Variants in DTWD2 observed in about 807,000 individuals in gnomAD.
DTWD2 encodes the protein DTW motif tRNA-uridine aminocarboxypropyltransferase 2.
A neutral mutation model predicts 31.8 loss-of-function variants in DTWD2; 39 were observed. The observed-to-expected ratio is 1.22, with a 90% CI of 0.95 to 1.60. The LOEUF (loss-of-function observed/expected upper bound fraction) is 1.60. Ranked by LOEUF, DTWD2 falls within the 40% of genes most tolerant of loss-of-function variation. The pLI, the probability that DTWD2 is intolerant of heterozygous loss-of-function variation, is 0.00. For missense variants in DTWD2, 515 were observed against 381.5 expected (o/e 1.35, Z -2.92); for synonymous variants, 180 against 142.8 (o/e 1.26, Z -1.86).
At chr5:118,915,471 T>C (rs1369669989) in intron 4 of DTWD2, among the ~76,000 whole-genome samples, 1 of 151,512 alleles carries the variant, frequency 6.6e-6, no homozygotes, top group Non-Finnish European at 1.5e-5. Context: ...ACCTCCCAGG[T>C]TCACGCCATT....
At chr5:118,886,680 G>C (rs762017482) in intron 4 of DTWD2, among the ~76,000 whole-genome samples, 1 of 152,098 alleles carries the variant, frequency 6.6e-6, no homozygotes, top group Non-Finnish European at 1.5e-5. Context: ...TGTAATACAA[G>C]TTCTATTATT....
chr5:118,911,274 T>C (rs545192390), intron 4 of DTWD2, among the ~76,000 whole-genome samples: 1 of 152,128 alleles, frequency 6.6e-6, no homozygotes, highest in African/African-American at 2.4e-5. Context: ...TAATCTCTAA[T>C]CAACAAGAAA....
At chr5:118,949,357 G>A (rs866624857) in intron 1 of DTWD2, among the ~76,000 whole-genome samples, 15 of 152,272 alleles carry the variant, frequency 9.9e-5, no homozygotes, top group African/African-American at 3.6e-4. Context: ...GGGTGCAAAG[G>A]AATAGTAAAG....
At chr5:118,937,537 T>C (rs980592715) in intron 3 of DTWD2, among the ~76,000 whole-genome samples, 3 of 152,224 alleles carry the variant, frequency 2.0e-5, no homozygotes, top group Admixed American at 6.5e-5. Flanking sequence ...TGTGTGGTGT[T>C]TGCCATATAG....
Position 118,979,523 on chromosome 5 carries a change from T to C in DTWD2, c.218+8771A>G, listed in dbSNP as rs113241570. 4.9e-3 allele frequency among the ~76,000 whole-genome samples: 747 copies of C among 152,264 alleles called. 7 individuals carry two copies. Among genetic ancestry groups the C allele is most frequent in the African/African-American group, 0.017 (706 of 41,544 alleles). On this transcript the variant is annotated intron_variant, in intron 1 of 5. Transcript: ENST00000510708. ...ATTACTGGGTATATTACCAAAGGAA[T>C]ATAAATCATTCTATTATAAAGATAT...
At chr5:118,986,580 T>A (rs1755432669) in intron 1 of DTWD2, among the ~76,000 whole-genome samples, 1 of 152,180 alleles carries the variant, frequency 6.6e-6, no homozygotes, top group Admixed American at 6.5e-5. Context: ...TTTTTAAAAC[T>A]ATTTTAACCA....
In DTWD2 at chr5:118,914,253, T is replaced by C. The variant is rs533845028; in HGVS notation, c.597+14284A>G. Among the ~76,000 whole-genome samples the C allele has an allele frequency of 2.0e-5, 3 of 152,268 alleles. No homozygotes were observed. In the South Asian group the frequency reaches 6.2e-4, roughly 32 times the overall value. On this transcript the variant is annotated intron_variant, in intron 4 of 5. Coordinates refer to ENST00000510708, the MANE Select transcript of DTWD2 (RefSeq NM_173666.4). ...CCACCTCATGAATAGATTAATACCA[T>C]CATTATTAAAAAGGCTCTAGGAGTG...
chr5:118,941,308 T>C (rs956623943), intron 2 of DTWD2, among the ~76,000 whole-genome samples: 2 of 152,198 alleles, frequency 1.3e-5, no homozygotes, highest in African/African-American at 4.8e-5. Context: ...GTCTATCTCC[T>C]AATGCTATCC....
intron 1 of DTWD2, chr5:118,974,049 C>A (rs764027498): frequency 2.0e-5 from 32 of 1,605,550 alleles, no homozygotes; most frequent in Admixed American, 1.5e-4. Context: ...GAGACAGCTA[C>A]GGGCAAGCGG....
intron 4 of DTWD2, among the ~76,000 whole-genome samples, chr5:118,916,388 G>A (rs111886986): frequency 2.0e-5 from 3 of 152,080 alleles, no homozygotes; most frequent in Admixed American, 6.5e-5. Flanking sequence ...CATTAAGGCC[G>A]GGTGCAGTGG....
chr5:118,864,214 G>C (rs1752331057), intron 4 of DTWD2, among the ~76,000 whole-genome samples: 1 of 148,980 alleles, frequency 6.7e-6, no homozygotes, highest in Middle Eastern at 3.4e-3. Context: ...AAAATGATGA[G>C]TTCATGTCCT....
At chr5:118,874,476 G>A (rs1302856730) in intron 4 of DTWD2, among the ~76,000 whole-genome samples, 2 of 152,158 alleles carry the variant, frequency 1.3e-5, no homozygotes, top group Non-Finnish European at 2.9e-5. Context: ...ACACAATGCA[G>A]GTGCTGATAG....
At chr5:118,955,503 T>C (rs1330125188) in intron 1 of DTWD2, among the ~76,000 whole-genome samples, 2 of 152,202 alleles carry the variant, frequency 1.3e-5, no homozygotes, top group Non-Finnish European at 2.9e-5. Context: ...ATTGAATAAT[T>C]TATAAATTCA....
In DTWD2 at chr5:118,939,275, G is replaced by T. The variant is rs900940016; in HGVS notation, c.325C>A (p.Arg109Ser). 6.3e-7 allele frequency: 1 copy of T among 1,578,568 alleles called. No individual in the cohort carries two copies. Among genetic ancestry groups the T allele is most frequent in the Admixed American group, 1.8e-5 (1 of 54,448 alleles). The change falls in exon 3 of 6, where the codon CGT becomes AGT. Residue 109 changes from arginine to serine, a missense_variant. Transcript: ENST00000510708. ...QHPAEENKVL[R>S]TVPLLAACLP... ...CATGCTGCTAGTAGAGGAACTGTAC[G>T]CAACACTTTGTTTTCCTTTAATTAA...
chr5:118,855,009 T>A (rs1365136360), intron 4 of DTWD2, among the ~76,000 whole-genome samples: 1 of 151,520 alleles, frequency 6.6e-6, no homozygotes, highest in Admixed American at 6.6e-5. Context: ...GCCCAGGTAT[T>A]AGCCATAGTT....
chr5:118,886,378 T>A (rs980596866), intron 4 of DTWD2, among the ~76,000 whole-genome samples: 2 of 152,168 alleles, frequency 1.3e-5, no homozygotes, highest in African/African-American at 4.8e-5. Context: ...AAGCATGAAA[T>A]AAATCCCTGT....
chr5:118,900,534 G>A (rs1753181475), intron 4 of DTWD2, among the ~76,000 whole-genome samples: 1 of 152,120 alleles, frequency 6.6e-6, no homozygotes, highest in Non-Finnish European at 1.5e-5. Flanking sequence ...TAAAACTATA[G>A]TCATATCCTG....
At chr5:118,910,695 C>T (rs1753439893) in intron 4 of DTWD2, among the ~76,000 whole-genome samples, 1 of 152,176 alleles carries the variant, frequency 6.6e-6, no homozygotes, top group African/African-American at 2.4e-5. Context: ...CACTTCTCAG[C>T]ACCAATTTTC....
intron 4 of DTWD2, among the ~76,000 whole-genome samples, chr5:118,880,994 G>C (rs1046029042): frequency 2.0e-5 from 3 of 152,116 alleles, no homozygotes; most frequent in African/African-American, 2.4e-5. Flanking sequence ...GATCTTAACT[G>C]ATTAGTAACT....
Sources: allele counts gnomAD v4.1 joint callset (sites outside exome capture counted in the v4.1 genomes callset), GRCh38; gene constraint gnomAD v4.1.1; transcripts MANE v1.5; gene names NCBI Gene and HGNC (gene_info 2026-07-23, HGNC 2026-07-21).